The following EXPH5 variants were observed in gnomAD, a reference collection of about 807,000 sequenced individuals.
EXPH5 encodes the protein exophilin 5, also known as exophilin-5.
A neutral mutation model predicts 41.1 loss-of-function variants in EXPH5; 42 were observed. That is an observed-to-expected ratio of 1.02 (90% CI 0.80 to 1.32). The LOEUF (loss-of-function observed/expected upper bound fraction) is 1.32, where lower values mean the gene tolerates loss of function less well. EXPH5 is among the 40% of genes most tolerant of loss of function. The pLI, the probability that EXPH5 is intolerant of heterozygous loss-of-function variation, is 0.00. For missense variants in EXPH5, 2,298 were observed against 2,314.5 expected (o/e 0.99, Z 0.15); for synonymous variants, 798 against 833.5 (o/e 0.96, Z 0.73).
intron 1 of EXPH5, among the ~76,000 whole-genome samples, chr11:108,587,495 T>A (rs1008500259): frequency 4.6e-5 from 7 of 152,176 alleles, no homozygotes; most frequent in African/African-American, 1.7e-4. Context: ...CCTGAAATAA[T>A]CCTTGACCAC....
chr11:108,512,801 A>T lies in EXPH5; in HGVS notation c.2706T>A (p.Ser902=), dbSNP rs756763359. 6.2e-7 allele frequency: 1 copy of T among 1,614,192 alleles called. No individual in the cohort carries two copies. Among genetic ancestry groups the T allele is most frequent in the Admixed American group, 1.7e-5 (1 of 60,024 alleles). The change falls in exon 6 of 6, where the codon TCT becomes TCA. Residue 902 remains serine, a synonymous_variant. Transcript: ENST00000265843. The part of the protein sequence containing the change: ...NSSLDAPVVP[S]TTVFSRRSPS... The stretch of plus-strand genomic sequence containing the variant: ...GACTTCTCCTGGAGAACACTGTAGT[A>T]GATGGAACCACAGGAGCATCAAGGG...
intron 4 of EXPH5, among the ~76,000 whole-genome samples, chr11:108,525,249 C>T (rs1171613891): frequency 2.0e-5 from 3 of 152,174 alleles, no homozygotes; most frequent in African/African-American, 7.2e-5. Flanking sequence ...TGAAAACAAA[C>T]TAATACACAG....
At chr11:108,587,552 T>G (rs959447264) in intron 1 of EXPH5, among the ~76,000 whole-genome samples, 1 of 152,234 alleles carries the variant, frequency 6.6e-6, no homozygotes, top group Non-Finnish European at 1.5e-5. Flanking sequence ...AACTTACCTG[T>G]GCACACATTA....
intron 3 of EXPH5, among the ~76,000 whole-genome samples, chr11:108,529,359 A>T (rs2093821663): frequency 6.6e-6 from 1 of 151,856 alleles, no homozygotes; most frequent in East Asian, 2.0e-4. Context: ...TTGAGACAGG[A>T]TCTCACTCTG....
At chr11:108,530,262 C>T (rs2093828591) in intron 3 of EXPH5, among the ~76,000 whole-genome samples, 1 of 152,144 alleles carries the variant, frequency 6.6e-6, no homozygotes, top group African/African-American at 2.4e-5. Flanking sequence ...CTCCTACACT[C>T]TACATACTAT....
the EXPH5 span, among the ~76,000 whole-genome samples, chr11:108,601,061 T>C: frequency 1.3e-5 from 2 of 152,228 alleles, no homozygotes; most frequent in Non-Finnish European, 2.9e-5. Context: ...GGTAATAGAA[T>C]ATTCCTACCG....
intron 1 of EXPH5, among the ~76,000 whole-genome samples, chr11:108,546,500 A>C: frequency 6.6e-6 from 1 of 152,150 alleles, no homozygotes; most frequent in East Asian, 1.9e-4. Flanking sequence ...AGGGGTAGAG[A>C]CACATCAAAG....
chr11:108,596,844 A>G (rs2094139505), upstream of EXPH5, among the ~76,000 whole-genome samples: 1 of 152,166 alleles, frequency 6.6e-6, no homozygotes, highest in Non-Finnish European at 1.5e-5. Flanking sequence ...ACCATACAGA[A>G]CTGCTTTTGT....
intron 3 of EXPH5, chr11:108,537,919 A>G (rs1286831354): frequency 1.1e-6 from 1 of 917,038 alleles, no homozygotes; most frequent in Non-Finnish European, 1.3e-6. Flanking sequence ...CAAATGTGAG[A>G]ATCACTAGTG....
In EXPH5 at chr11:108,556,000, C is replaced by G. The variant is rs556187687; in HGVS notation, c.120-14188G>C. 1.5e-3 allele frequency among the ~76,000 whole-genome samples: 233 copies of G among 152,322 alleles called. 1 individual carries two copies. Among genetic ancestry groups the G allele is most frequent in the African/African-American group, 5.3e-3 (219 of 41,576 alleles). On this transcript the variant is annotated intron_variant, in intron 1 of 5. Coordinates refer to ENST00000265843, the MANE Select transcript of EXPH5 (RefSeq NM_015065.3). The stretch of plus-strand genomic sequence containing the variant: ...GCTCCCCTTCCATCCAGGCTCCATA[C>G]AGGAGCAAGAGCGATGGCCAAAGAA...
In EXPH5 at chr11:108,555,618, T is replaced by C. The variant is rs577523048; in HGVS notation, c.120-13806A>G. ...CAAAATCTCATCTTGAATTGTATTC[T>C]GAATTGTAATCCCCACGTGTTGGGG... On this transcript the variant is annotated intron_variant, in intron 1 of 5. Coordinates refer to ENST00000265843, the MANE Select transcript of EXPH5 (RefSeq NM_015065.3). Among the ~76,000 whole-genome samples the C allele has an allele frequency of 2.0e-5, 3 of 152,302 alleles. No homozygotes were observed. The South Asian group carries it at 6.2e-4, about 32-fold the overall frequency.
chr11:108,520,453 T>A (rs1319866262), intron 4 of EXPH5, among the ~76,000 whole-genome samples: 1 of 152,214 alleles, frequency 6.6e-6, no homozygotes, highest in East Asian at 1.9e-4. Flanking sequence ...AAAGTTTGAT[T>A]GTATAAATAA....
At chr11:108,561,351 CTTGTT>C (rs3054582) in intron 1 of EXPH5, among the ~76,000 whole-genome samples, 46 of 150,792 alleles carry the variant, frequency 3.1e-4, no homozygotes, top group South Asian at 1.3e-3. Context: ...TTCCCTCCAT[CTTGTT>C]TTGTTTTGTT....
intron 1 of EXPH5, among the ~76,000 whole-genome samples, chr11:108,584,063 T>C (rs1359325652): frequency 6.6e-6 from 1 of 152,232 alleles, no homozygotes; most frequent in East Asian, 1.9e-4. Context: ...TAAAAATTTA[T>C]ATGGAAAAGC....
chr11:108,539,563 A>G (rs554163981), intron 2 of EXPH5, among the ~76,000 whole-genome samples: 1 of 152,232 alleles, frequency 6.6e-6, no homozygotes, highest in African/African-American at 2.4e-5. Context: ...TGATAGATAC[A>G]TACTACATAA....
chr11:108,604,193 C>T, the EXPH5 span, among the ~76,000 whole-genome samples: 3 of 138,176 alleles, frequency 2.2e-5, no homozygotes, highest in Non-Finnish European at 4.5e-5. Context: ...GAGTTTGAGA[C>T]TAGCCTGGCC....
At chr11:108,542,343 T>C (rs1222722913) in intron 1 of EXPH5, among the ~76,000 whole-genome samples, 2 of 152,146 alleles carry the variant, frequency 1.3e-5, no homozygotes, top group East Asian at 1.9e-4. Context: ...TCTTTTTTTT[T>C]TTTCTTTTTT....
At chr11:108,516,485 A>G (rs914763564) in intron 5 of EXPH5, among the ~76,000 whole-genome samples, 16 of 152,238 alleles carry the variant, frequency 1.1e-4, no homozygotes, top group Non-Finnish European at 1.8e-4. Flanking sequence ...TAGACTCTCT[A>G]AGACCCACTC....
rs940567172 is a variant in EXPH5 at position 108,509,816 on chromosome 11, G to A, written c.5691C>T (p.Phe1897=). The change falls in exon 6 of 6, where the codon TTC becomes TTT. Residue 1897 remains phenylalanine (F), a synonymous_variant. Transcript: ENST00000265843. The part of the protein sequence containing the change: ...GIFGKEQQLA[F]LENVKRSLTQ... ...TAAGTGACCTCTTTACATTTTCTAA[G>A]AAAGCTAACTGTTGTTCTTTCCCAA... 1.2e-6 allele frequency: 2 copies of A among 1,613,478 alleles called. No homozygotes were observed. Among genetic ancestry groups the A allele is most frequent in the African/African-American group, 2.7e-5 (2 of 74,858 alleles).
Sources: gnomAD v4.1 joint callset for allele counts (sites outside exome capture counted in the v4.1 genomes callset) on GRCh38, gnomAD v4.1.1 for gene constraint, MANE v1.5 for transcripts, NCBI Gene and HGNC (gene_info 2026-07-23, HGNC 2026-07-21) for gene names.